The following LIPI variants were observed in gnomAD, a reference collection of about 807,000 sequenced individuals.
LIPI encodes lipase member I.
LIPI carries 59 observed loss-of-function variants against 50.6 expected under a neutral mutation model. That is an observed-to-expected ratio of 1.16 (90% CI 0.94 to 1.45). The LOEUF (loss-of-function observed/expected upper bound fraction) is 1.45. LIPI is among the 40% of genes most tolerant of loss of function. LIPI has a pLI of 0.00. For missense variants in LIPI, 586 were observed against 536.3 expected, an observed-to-expected ratio of 1.09 and a Z score of -0.92; for synonymous variants, 203 against 178.2, an observed-to-expected ratio of 1.14 and a Z score of -1.11.
intron 9 of LIPI, among the ~76,000 whole-genome samples, chr21:14,133,530 GA>G (rs1416131890): frequency 1.3e-5 from 2 of 152,142 alleles, no homozygotes; most frequent in African/African-American, 2.4e-5. Flanking sequence ...ACTTAATGGG[GA>G]AAAGTTGAAA....
At chr21:14,128,768 G>A (rs2017168394) in intron 9 of LIPI, among the ~76,000 whole-genome samples, 1 of 151,898 alleles carries the variant, frequency 6.6e-6, no homozygotes, top group African/African-American at 2.4e-5. Context: ...ATTCACTTTG[G>A]GGCAGATAAC....
intron 1 of LIPI, chr21:14,207,081 C>A (rs1229923548): frequency 8.2e-6 from 5 of 608,970 alleles, no homozygotes; most frequent in African/African-American, 1.9e-5. Flanking sequence ...AGTTAAGACA[C>A]AACACTGTAG....
rs529115265 is a variant in LIPI, at chr21:14,135,065, T to A, written c.1295+9558A>T. On this transcript the variant is annotated intron_variant, in intron 9 of 9. Coordinates refer to ENST00000681601, the MANE Select transcript of LIPI (RefSeq NM_001302998.2). ...CCTGACAATGGGTTAATACTCAGAA[T>A]CTATAAGTAACTCAAACAGCTCAAA... is the stretch of plus-strand genomic sequence containing the variant. Among the ~76,000 whole-genome samples the A allele has an allele frequency of 1.3e-4, 19 of 150,796 alleles. 2 individuals carry two copies. In the South Asian group the frequency reaches 1.3e-3, roughly 10 times the overall value.
intron 8 of LIPI, among the ~76,000 whole-genome samples, chr21:14,150,146 T>C (rs2018039554): frequency 6.6e-6 from 1 of 152,252 alleles, no homozygotes; most frequent in African/African-American, 2.4e-5. Flanking sequence ...TAGGTGGAGG[T>C]TCCCAAACCT....
intron 4 of LIPI, among the ~76,000 whole-genome samples, chr21:14,172,066 C>A (rs117425236): frequency 6.6e-6 from 1 of 152,008 alleles, no homozygotes; most frequent in Admixed American, 6.6e-5. Context: ...GGACATGAAC[C>A]AACACTTCTC....
chr21:14,207,026 C>A, intron 1 of LIPI: 1 of 805,040 alleles, frequency 1.2e-6, no homozygotes, highest in East Asian at 2.5e-5. Flanking sequence ...AAACAATTGA[C>A]CCACTTTATG....
chr21:14,167,609 T>A (rs1478756532), intron 4 of LIPI, among the ~76,000 whole-genome samples: 1 of 152,226 alleles, frequency 6.6e-6, no homozygotes, highest in African/African-American at 2.4e-5. Context: ...AAACAGAGTC[T>A]GGAGTGGACC....
intron 2 of LIPI, among the ~76,000 whole-genome samples, chr21:14,187,180 G>A (rs2019484939): frequency 6.6e-6 from 1 of 152,004 alleles, no homozygotes; most frequent in Non-Finnish European, 1.5e-5. Context: ...ATCTTCCAAG[G>A]CCAACGTCTG....
chr21:14,139,713 T>C (rs1600852955), intron 9 of LIPI, among the ~76,000 whole-genome samples: 1 of 152,132 alleles, frequency 6.6e-6, no homozygotes, highest in African/African-American at 2.4e-5. Context: ...CTGCTCACAA[T>C]TGTAAACAGG....
intron 3 of LIPI, among the ~76,000 whole-genome samples, chr21:14,185,322 T>C (rs1206478103): frequency 1.3e-5 from 2 of 151,656 alleles, no homozygotes; most frequent in Non-Finnish European, 2.9e-5. Context: ...TAAATAGTTA[T>C]ATTCTTAGCT....
intron 4 of LIPI, among the ~76,000 whole-genome samples, chr21:14,179,561 A>G (rs1239198528): frequency 6.6e-6 from 1 of 152,220 alleles, no homozygotes; most frequent in Non-Finnish European, 1.5e-5. Context: ...AAAAGGCCAT[A>G]GGCAGAATTG....
intron 1 of LIPI, among the ~76,000 whole-genome samples, chr21:14,199,319 C>CA (rs374609477): frequency 1.4e-3 from 205 of 143,388 alleles, no homozygotes; most frequent in East Asian, 4.3e-3. Context: ...TGGTTTTCTG[C>CA]AAAAAAAAAT....
chr21:14,153,562 A>C (rs867777651), intron 7 of LIPI, among the ~76,000 whole-genome samples: 21 of 152,166 alleles, frequency 1.4e-4, no homozygotes, highest in African/African-American at 4.8e-4. Context: ...TTCAATATGC[A>C]ACCAAGCTCT....
chr21:14,134,641 C>A (rs2017422720), intron 9 of LIPI, among the ~76,000 whole-genome samples: 2 of 151,858 alleles, frequency 1.3e-5, no homozygotes, highest in African/African-American at 4.8e-5. Context: ...AAAGCCATAC[C>A]CTACAACCAA....
intron 1 of LIPI, among the ~76,000 whole-genome samples, chr21:14,199,467 C>A (rs988928457): frequency 2.0e-5 from 3 of 151,868 alleles, no homozygotes; most frequent in African/African-American, 7.3e-5. Flanking sequence ...CACTTCTATG[C>A]ATATCAACCA....
At chr21:14,173,377 A>G (rs555477430) in intron 4 of LIPI, among the ~76,000 whole-genome samples, 111 of 152,302 alleles carry the variant, frequency 7.3e-4, no homozygotes, top group Non-Finnish European at 1.5e-3. Context: ...GTGACATGAA[A>G]CACATAGCTT....
chr21:14,170,403 C>T (rs1368039411), intron 4 of LIPI, among the ~76,000 whole-genome samples: 2 of 149,334 alleles, frequency 1.3e-5, no homozygotes, highest in African/African-American at 4.8e-5. Context: ...CTGGCAGAGA[C>T]ACAACAAAAA....
chr21:14,158,997 C>A (rs1156962719), intron 7 of LIPI, among the ~76,000 whole-genome samples: 2 of 151,400 alleles, frequency 1.3e-5, no homozygotes, highest in African/African-American at 4.8e-5. Flanking sequence ...GTAGTAAAAA[C>A]TTCCTCCCAA....
At chr21:14,174,837 C>A (rs1019163486) in intron 4 of LIPI, among the ~76,000 whole-genome samples, 16 of 152,312 alleles carry the variant, frequency 1.1e-4, no homozygotes, top group African/African-American at 3.1e-4. Context: ...CAGGCGTGAG[C>A]CACCGCACCC....
Sources: allele counts gnomAD v4.1 joint callset (sites outside exome capture counted in the v4.1 genomes callset), GRCh38; gene constraint gnomAD v4.1.1; transcripts MANE v1.5; gene names NCBI Gene and HGNC (gene_info 2026-07-23, HGNC 2026-07-21).